The following SLC25A12 variants were observed in gnomAD, a reference collection of about 807,000 sequenced individuals.
The protein encoded by SLC25A12 is electrogenic aspartate/glutamate antiporter SLC25A12, mitochondrial.
SLC25A12 carries 32 observed loss-of-function variants against 83.3 expected under a neutral mutation model. That is an observed-to-expected ratio of 0.38 (90% CI 0.29 to 0.52). The LOEUF (loss-of-function observed/expected upper bound fraction) is 0.52, where lower values mean the gene tolerates loss of function less well. SLC25A12 is among the 20% of genes least tolerant of loss of function. The pLI is 0.84. For synonymous variants in SLC25A12, 267 were observed against 291.1 expected, an observed-to-expected ratio of 0.92 and a Z score of 0.84; for missense variants, 611 against 835.6, an observed-to-expected ratio of 0.73 and a Z score of 3.31.
chr2:171,806,713 A>G (rs1419580635), intron 13 of SLC25A12, among the ~76,000 whole-genome samples: 1 of 152,220 alleles, frequency 6.6e-6, no homozygotes, highest in Non-Finnish European at 1.5e-5. Context: ...AATTTGAGCC[A>G]TTTCTTCCTA....
intron 3 of SLC25A12, among the ~76,000 whole-genome samples, chr2:171,863,147 C>T (rs1002141246): frequency 5.9e-5 from 9 of 152,172 alleles, no homozygotes; most frequent in Admixed American, 6.5e-5. Context: ...AAGCGATCCT[C>T]CCGCCTCAGC....
intron 1 of SLC25A12, among the ~76,000 whole-genome samples, chr2:171,893,747 C>G (rs3821092): frequency 0.83 from 126,762 of 152,030 alleles, 53,519 homozygotes; most frequent in Middle Eastern, 0.91. Context: ...AAATACTTTC[C>G]ATACCCTGCA....
intron 8 of SLC25A12, among the ~76,000 whole-genome samples, chr2:171,828,743 A>C (rs574502123): frequency 6.6e-6 from 1 of 152,228 alleles, no homozygotes; most frequent in Non-Finnish European, 1.5e-5. Flanking sequence ...TCCTATTATT[A>C]AAGTTCATGG....
At chr2:171,820,690 T>G (rs1312907389) in intron 9 of SLC25A12, among the ~76,000 whole-genome samples, 1 of 138,830 alleles carries the variant, frequency 7.2e-6, no homozygotes. Flanking sequence ...ATCCCGCCAC[T>G]GCACTCCAGC....
chr2:171,886,565 A>G (rs572166208), intron 2 of SLC25A12, among the ~76,000 whole-genome samples: 9 of 150,600 alleles, frequency 6.0e-5, no homozygotes, highest in Admixed American at 2.7e-4. Flanking sequence ...GCTGGAGTGC[A>G]GTGGCGCGAT....
chr2:171,821,017 CTTTTTTTTTTTT>C lies in SLC25A12; in HGVS notation c.930+5769_930+5780del, dbSNP rs869070730. ...TGCAAATAACGCAGCTATAAACATT[CTTTTTTTTTTTT>C]TTTTTTTTTTTTTTTTTTGAGACAG... On this transcript the variant is annotated intron_variant, in intron 9 of 17. Coordinates refer to ENST00000422440, the MANE Select transcript of SLC25A12 (RefSeq NM_003705.5). 2.5e-3 allele frequency among the ~76,000 whole-genome samples: 120 copies of C among 48,654 alleles called. 1 individual carries two copies. Among genetic ancestry groups the C allele is most frequent in the Middle Eastern group, 0.025 (1 of 40 alleles). 31.9% of individuals were successfully genotyped at this position (48,654 alleles called of 152,430 possible).
At chr2:171,858,605 T>C (rs1314060549) in intron 3 of SLC25A12, among the ~76,000 whole-genome samples, 4 of 152,244 alleles carry the variant, frequency 2.6e-5, no homozygotes, top group African/African-American at 9.6e-5. Context: ...TGTGTTTTCT[T>C]TGGCATGCAA....
At chr2:171,873,123 G>A (rs954776128) in intron 2 of SLC25A12, among the ~76,000 whole-genome samples, 6 of 152,226 alleles carry the variant, frequency 3.9e-5, no homozygotes, top group East Asian at 3.9e-4. Context: ...AACTAACTTC[G>A]AACAGGGAGA....
rs1350967515 is a variant in SLC25A12, at chr2:171,787,862, G to A, written c.1671C>T (p.Tyr557=). The A allele has an allele frequency of 6.2e-7, 1 of 1,614,180 alleles. No homozygotes were observed. The highest frequency in any genetic ancestry group is 8.5e-7 in the Non-Finnish European group (1 of 1,180,022). The change falls in exon 16 of 18, where the codon TAC becomes TAT. Residue 557 remains tyrosine (Y), a synonymous_variant. Transcript: ENST00000422440. ...TCCTGAAACAGTCGATGACACCACT[G>A]TATGTCGTCTGGCCAGCGCGGGCAG... ...QVAARAGQTT[Y]SGVIDCFRKI...
rs148982917 is a variant in SLC25A12 at position 171,845,994 on chromosome 2, T to A, written c.326-1486A>T. ...GGTTTCTAACCAACACAAAAGATGA[T>A]CCTTAAATCTATGTGAAACTTCGAA... On this transcript the variant is annotated intron_variant, in intron 4 of 17. Coordinates refer to ENST00000422440, the MANE Select transcript of SLC25A12 (RefSeq NM_003705.5). The A allele has an allele frequency of 4.0e-4, 97 of 244,044 alleles. No homozygotes were observed. In the East Asian group the frequency reaches 6.0e-3, roughly 15 times the overall value. 15.1% of individuals were successfully genotyped at this position (244,044 alleles called of 1,614,324 possible).
At chr2:171,850,349 T>G (rs1461884751) in intron 4 of SLC25A12, among the ~76,000 whole-genome samples, 2 of 133,454 alleles carry the variant, frequency 1.5e-5, no homozygotes, top group African/African-American at 2.8e-5. Flanking sequence ...TTTTTTTTTT[T>G]TTTTTTTTTT....
In SLC25A12 at chr2:171,815,103, C is replaced by T; in HGVS notation, c.1012+18G>A. 1 of 1,603,392 alleles carries T rather than the reference C, an allele frequency of 6.2e-7. No homozygotes were observed. The highest frequency in any genetic ancestry group is 1.1e-5 in the South Asian group (1 of 90,902). On this transcript the variant is annotated intron_variant, in intron 10 of 17. Transcript: ENST00000422440. ...ACATTAACACAAGCCTCAAACAGCACACAGACATGTCACTCACCTCCAGCA... is the reference window on the plus strand; with the variant it reads ...ACATTAACACAAGCCTCAAACAGCATACAGACATGTCACTCACCTCCAGCA...
At chr2:171,823,943 CAAAA>C (rs5836354) in intron 9 of SLC25A12, among the ~76,000 whole-genome samples, 5 of 142,176 alleles carry the variant, frequency 3.5e-5, no homozygotes, top group African/African-American at 1.3e-4. Flanking sequence ...CCTGTCTCCA[CAAAA>C]AAAAAAAAAA....
chr2:171,792,165 A>G (rs932492109), intron 14 of SLC25A12, among the ~76,000 whole-genome samples: 4 of 152,132 alleles, frequency 2.6e-5, no homozygotes, highest in African/African-American at 7.2e-5. Context: ...GCTTGTCCCA[A>G]TGACTGAGGT....
rs989720642 is a variant in SLC25A12 at position 171,783,416 on chromosome 2, TAA to T, written c.*1856_*1857del. 5.9e-5 allele frequency among the ~76,000 whole-genome samples: 9 copies of T among 152,134 alleles called. No individual in the cohort carries two copies. Among genetic ancestry groups the T allele is most frequent in the African/African-American group, 2.2e-4 (9 of 41,430 alleles). ...TGAAATACTATGCAGCCATTAAAAA[TAA>T]AACTTTATAAACTGACATGGAAAGA... On this transcript the variant is annotated 3_prime_UTR_variant, in exon 18 of 18. Coordinates refer to ENST00000422440, the MANE Select transcript of SLC25A12 (RefSeq NM_003705.5).
At chr2:171,875,853 C>T (rs1361052089) in intron 2 of SLC25A12, among the ~76,000 whole-genome samples, 3 of 133,532 alleles carry the variant, frequency 2.2e-5, no homozygotes, top group Non-Finnish European at 3.1e-5. Context: ...GCGGAGCTTG[C>T]AGTGAGCCAA....
chr2:171,873,392 G>C (rs1685497116), intron 2 of SLC25A12, among the ~76,000 whole-genome samples: 1 of 152,070 alleles, frequency 6.6e-6, no homozygotes. Flanking sequence ...AGGTTGCAGT[G>C]ACCCAAGATA....
chr2:171,862,434 T>C (rs568460393), intron 3 of SLC25A12, among the ~76,000 whole-genome samples: 1 of 152,234 alleles, frequency 6.6e-6, no homozygotes, highest in African/African-American at 2.4e-5. Context: ...CAACTGATTG[T>C]GCTATTTATA....
intron 4 of SLC25A12, among the ~76,000 whole-genome samples, chr2:171,851,068 T>C (rs1254901050): frequency 6.6e-6 from 1 of 152,166 alleles, no homozygotes; most frequent in Non-Finnish European, 1.5e-5. Flanking sequence ...CTTTGAAGAG[T>C]GTCCATTCCT....
Sources: gnomAD v4.1 joint callset for allele counts (sites outside exome capture counted in the v4.1 genomes callset) on GRCh38, gnomAD v4.1.1 for gene constraint, MANE v1.5 for transcripts, NCBI Gene and HGNC (gene_info 2026-07-23, HGNC 2026-07-21) for gene names.